The following DNAJC14 variants were observed in gnomAD, a reference collection of about 807,000 sequenced individuals.
The protein encoded by DNAJC14 is DnaJ heat shock protein family (Hsp40) member C14.
Under a neutral mutation model 68.8 loss-of-function variants are expected in DNAJC14, and 12 were observed. That is an observed-to-expected ratio of 0.17 (90% CI 0.11 to 0.28). The LOEUF (loss-of-function observed/expected upper bound fraction) is 0.28. DNAJC14 is among the 10% of genes least tolerant of loss of function. DNAJC14 has a pLI of 1.00. For synonymous variants in DNAJC14, 350 were observed against 321.5 expected (o/e 1.09, Z -0.95); for missense variants, 764 against 875.6 (o/e 0.87, Z 1.61).
rs911223549 is a variant in DNAJC14 at position 55,829,562 on chromosome 12, C to G, written c.-130G>C. ...AGGGTGAGCTACGAGAGCCGCTCTC[C>G]CGGCTCCGCCTCCCGCTCACGCTCT... On this transcript the variant is annotated 5_prime_UTR_variant, in exon 1 of 7. Transcript: ENST00000678005. The G allele has an allele frequency of 1.0e-6, 1 of 985,498 alleles. No homozygotes were observed. Among genetic ancestry groups the G allele is most frequent in the East Asian group, 1.1e-4 (1 of 8,822 alleles). 61.0% of individuals were successfully genotyped at this position (985,498 alleles called of 1,614,324 possible).
upstream of DNAJC14, chr12:55,830,433 C>G (rs949373731): frequency 6.6e-6 from 1 of 152,226 alleles, no homozygotes. Flanking sequence ...GCCTTATACC[C>G]CGTCTTGATC....
Position 55,822,025 on chromosome 12 carries a change from T to C in DNAJC14, c.2061A>G (p.Glu687=). 6.2e-7 allele frequency: 1 copy of C among 1,613,914 alleles called. No homozygotes were observed. Among genetic ancestry groups the C allele is most frequent in the Non-Finnish European group, 8.5e-7 (1 of 1,179,914 alleles). Residue 687 remains glutamate, a synonymous_variant, in exon 7 of 7, where the codon GAA becomes GAG. Coordinates refer to ENST00000678005, the MANE Select transcript of DNAJC14 (RefSeq NM_032364.6). ...SKPNSTVPKG[E]AKPKRRKKVR... Reference sequence around the variant, plus strand: ...CTTTCTTCCGCCGCTTAGGTTTGGCTTCTCCCTTGGGTACTGTGCTGTTGG... The same window carrying C: ...CTTTCTTCCGCCGCTTAGGTTTGGCCTCTCCCTTGGGTACTGTGCTGTTGG...
intron 2 of DNAJC14, among the ~76,000 whole-genome samples, chr12:55,825,604 C>T (rs1880773139): frequency 1.5e-5 from 2 of 132,506 alleles, no homozygotes; most frequent in South Asian, 2.4e-4. Flanking sequence ...AGTACAGTGG[C>T]GCGATCTCGG....
chr12:55,828,779 A>C, intron 1 of DNAJC14, 65 bp from the exon 2 acceptor site: 1 of 1,407,318 alleles, frequency 7.1e-7, no homozygotes, highest in Non-Finnish European at 9.3e-7. Flanking sequence ...AACAATCTCA[A>C]ATAGTGGACA....
At chr12:55,829,772 C>G (rs1880924958), upstream of DNAJC14, 1 of 220,924 alleles carries the variant, frequency 4.5e-6, no homozygotes, top group Non-Finnish European at 7.6e-6. Context: ...TTTAAAGGCC[C>G]CTCCCTCCGC....
chr12:55,830,595 G>C (rs1230707084), upstream of DNAJC14: 1 of 152,276 alleles, frequency 6.6e-6, no homozygotes, highest in Non-Finnish European at 1.5e-5. Flanking sequence ...CTAGGGGGGC[G>C]CTGGGACCCC....
upstream of DNAJC14, chr12:55,829,761 A>T (rs1263114655): frequency 3.8e-6 from 1 of 261,150 alleles, no homozygotes; most frequent in African/African-American, 2.3e-5. Context: ...TGGCCCCGCC[A>T]TTTAAAGGCC....
chr12:55,822,249 ATATACT>A, intron 6 of DNAJC14, 62 bp from the exon 7 acceptor site: 1 of 1,530,754 alleles, frequency 6.5e-7, no homozygotes. Context: ...CCTAAGTTAG[ATATACT>A]TATCAGTTCC....
Position 55,827,940 on chromosome 12 carries a change from C to T in DNAJC14, c.719G>A (p.Gly240Glu), listed in dbSNP as rs1455333739. 10 of 1,607,376 alleles carry T rather than the reference C, an allele frequency of 6.2e-6. No homozygotes were observed. Among genetic ancestry groups the T allele is most frequent in the Non-Finnish European group, 8.5e-6 (10 of 1,175,678 alleles). Reference protein sequence around the residue: ...ADKRKGLGLWGAEELCQLGQA... With the variant: ...ADKRKGLGLWEAEELCQLGQA... ...TCCAAGTTGACATAGTTCCTCGGCT[C>T]CCCACAATCCCAGGCCTTTGCGCTT... Residue 240 changes from glycine (G) to glutamate (E), a missense_variant, in exon 2 of 7, where the codon GGA (glycine) becomes GAA (glutamate). By Grantham distance (98) the Gly-to-Glu change is moderately conservative. Coordinates refer to ENST00000678005, the MANE Select transcript of DNAJC14 (RefSeq NM_032364.6).
At chr12:55,829,168 C>G (rs1480468513) in intron 1 of DNAJC14, 7 of 985,798 alleles carry the variant, frequency 7.1e-6, no homozygotes, top group Non-Finnish European at 8.4e-6. Context: ...CGAAGGTGGC[C>G]GGGCACCGTG....
intron 2 of DNAJC14, among the ~76,000 whole-genome samples, chr12:55,824,280 C>G (rs1880739641): frequency 6.6e-6 from 1 of 152,114 alleles, no homozygotes; most frequent in African/African-American, 2.4e-5. Flanking sequence ...CATCTTGAAA[C>G]TCTTTTTTAA....
chr12:55,826,087 G>A (rs1435341497), intron 2 of DNAJC14, among the ~76,000 whole-genome samples: 2 of 151,848 alleles, frequency 1.3e-5, no homozygotes, highest in Non-Finnish European at 2.9e-5. Flanking sequence ...ACCCTCATTT[G>A]TTCAGGTAAG....
chr12:55,824,187 C>G (rs998730152), intron 2 of DNAJC14, among the ~76,000 whole-genome samples: 7 of 152,066 alleles, frequency 4.6e-5, no homozygotes, highest in African/African-American at 1.7e-4. Flanking sequence ...CCTCTAGAAA[C>G]TCCTCAATCC....
intron 2 of DNAJC14, among the ~76,000 whole-genome samples, chr12:55,824,976 CA>C (rs1565689266): frequency 6.6e-6 from 1 of 151,594 alleles, no homozygotes; most frequent in Non-Finnish European, 1.5e-5. Context: ...ACTAAAAATA[CA>C]AAAAATTAGC....
intron 1 of DNAJC14, 38 bp downstream of exon 1, chr12:55,829,443 TCAAAAAAA>T: frequency 1.0e-6 from 1 of 958,794 alleles, no homozygotes; most frequent in Non-Finnish European, 1.2e-6. Flanking sequence ...AGACTCCATC[TCAAAAAAA>T]CAAAAAAAAA....
rs1880713833 is a variant in DNAJC14, at chr12:55,823,166, A to G, written c.1538T>C (p.Leu513Pro). 1 of 1,614,206 alleles carries G rather than the reference A, an allele frequency of 6.2e-7. No individual in the cohort carries two copies. The highest frequency in any genetic ancestry group is 8.5e-7 in the Non-Finnish European group (1 of 1,180,030). The change falls in exon 4 of 7, where the codon CTG (leucine) becomes CCG (proline). Residue 513 changes from leucine to proline, a missense_variant. Around this residue, in one of 4 missense-constraint regions of DNAJC14, gnomAD observed 110 missense variants for 162.7 expected, o/e 0.68. Transcript: ENST00000678005. Reference protein sequence around the residue: ...YEMKRMAENELSRSVNEFLSK... With the variant: ...YEMKRMAENEPSRSVNEFLSK... ...CAGAAACTCATTTACTGACCGGCTC[A>G]GCTCATTCTCTGCCATTCGTTTCCT...
At chr12:55,823,290 A>G (rs1457874238) in intron 3 of DNAJC14, 101 bp from the exon 4 acceptor site, 1 of 1,597,206 alleles carries the variant, frequency 6.3e-7, no homozygotes, top group Non-Finnish European at 8.6e-7. Flanking sequence ...GAGAAAGACA[A>G]GTGACTTCAG....
At chr12:55,829,674 A>T (rs1880920361), upstream of DNAJC14, 1 of 938,274 alleles carries the variant, frequency 1.1e-6, no homozygotes, top group Non-Finnish European at 1.3e-6. Context: ...GAAGGAAAAG[A>T]AATAGCGGTT....
chr12:55,825,542 CTT>C (rs11375162), intron 2 of DNAJC14, among the ~76,000 whole-genome samples: 26 of 122,028 alleles, frequency 2.1e-4, no homozygotes, highest in Admixed American at 5.9e-4. Flanking sequence ...TGCACACCCT[CTT>C]TTTTTTTTTT....
Sources: gnomAD v4.1 joint callset for allele counts (sites outside exome capture counted in the v4.1 genomes callset) on GRCh38, gnomAD v4.1.1 for gene constraint, gnomAD v4.1.1 regional missense constraint, MANE v1.5 for transcripts, NCBI Gene and HGNC (gene_info 2026-07-23, HGNC 2026-07-21) for gene names.